VPS13D: variants seen among roughly 807,000 people sequenced by gnomAD.
VPS13D encodes vacuolar protein sorting 13 homolog D.
In VPS13D, 187 loss-of-function variants were observed where a neutral mutation model predicts 461.9. That is an observed-to-expected ratio of 0.40 (90% CI 0.36 to 0.46). VPS13D has a LOEUF of 0.46. Ranked by LOEUF, VPS13D falls within the 20% of genes least tolerant of loss-of-function variation. The pLI is 0.60. For missense variants in VPS13D, 4,711 were observed against 5,364.9 expected (o/e 0.88, Z 3.81); for synonymous variants, 1,951 against 1,986.3 (o/e 0.98, Z 0.47).
chr1:12,297,400 GT>G (rs1261268753), intron 24 of VPS13D, among the ~76,000 whole-genome samples: 3 of 152,108 alleles, frequency 2.0e-5, no homozygotes, highest in Non-Finnish European at 2.9e-5. Context: ...TCTTATATTT[GT>G]TACACTTCTT....
Position 12,488,562 on chromosome 1 carries a change from A to G in VPS13D, c.12663-8938A>G, listed in dbSNP as rs146332408. 2.2e-3 allele frequency among the ~76,000 whole-genome samples: 331 copies of G among 151,820 alleles called. 2 individuals carry two copies. The highest frequency in any genetic ancestry group is 7.6e-3 in the African/African-American group (315 of 41,440). ...ATATAAACATTGAAAGAAAAAGATT[A>G]TATAATCATTTGCCAGAAATAAATC... is the stretch of plus-strand genomic sequence containing the variant. On this transcript the variant is annotated intron_variant, in intron 67 of 69. Coordinates refer to ENST00000620676, the MANE Select transcript of VPS13D (RefSeq NM_015378.4).
Position 12,303,730 on chromosome 1 carries a change from G to A in VPS13D, c.6217-776G>A, listed in dbSNP as rs532424485. 7.2e-5 allele frequency among the ~76,000 whole-genome samples: 11 copies of A among 152,298 alleles called. No homozygotes were observed. In the South Asian group the frequency reaches 1.2e-3, roughly 17 times the overall value. On this transcript the variant is annotated intron_variant, in intron 25 of 69. Transcript: ENST00000620676. ...TCTCTTCCCAGATTCGGTTGAGAAT[G>A]GCAAGATGGGAACCATGATGCTACG...
intron 55 of VPS13D, 79 bp downstream of exon 55, chr1:12,373,937 C>G (rs1644161079): frequency 8.8e-7 from 1 of 1,135,170 alleles, no homozygotes; most frequent in Admixed American, 2.4e-5. Flanking sequence ...AGTGCAGAGT[C>G]CTTATTTCAT....
rs771737994 is a variant in VPS13D at position 12,319,483 on chromosome 1, G to A, written c.7415-14G>A. The A allele has an allele frequency of 2.2e-5, 36 of 1,613,784 alleles. No individual in the cohort carries two copies. The highest frequency in any genetic ancestry group is 1.6e-4 in the Middle Eastern group (1 of 6,068). On this transcript the variant is annotated splice_polypyrimidine_tract_variant and intron_variant, in intron 31 of 69. Coordinates refer to ENST00000620676, the MANE Select transcript of VPS13D (RefSeq NM_015378.4). Reference sequence around the variant, plus strand: ...TCCCAGCTCTGGCTTGATTGACGACGTTGTCCTTTCCAGGTACGGAGTTTG... The same window carrying A: ...TCCCAGCTCTGGCTTGATTGACGACATTGTCCTTTCCAGGTACGGAGTTTG...
intron 17 of VPS13D, 64 bp from the exon 18 acceptor site, chr1:12,272,939 G>A: frequency 1.3e-6 from 2 of 1,577,278 alleles, no homozygotes; most frequent in South Asian, 2.4e-5. Flanking sequence ...AGAAATGCTT[G>A]AGCACCATGG....
chr1:12,232,095 G>A (rs964184993), intron 1 of VPS13D, among the ~76,000 whole-genome samples: 3 of 152,024 alleles, frequency 2.0e-5, no homozygotes, highest in African/African-American at 7.3e-5. Context: ...AACAAATGTA[G>A]CTAATAATTA....
chr1:12,238,796 T>G (rs1313988674), intron 2 of VPS13D, among the ~76,000 whole-genome samples: 1 of 151,962 alleles, frequency 6.6e-6, no homozygotes, highest in East Asian at 1.9e-4. Flanking sequence ...CTACCATACC[T>G]GGGTGATTTT....
intron 50 of VPS13D, among the ~76,000 whole-genome samples, chr1:12,361,397 TTATTTA>T (rs1643945842): frequency 6.9e-6 from 1 of 144,586 alleles, no homozygotes; most frequent in Non-Finnish European, 1.5e-5. Flanking sequence ...ATTTATTTAT[TTATTTA>T]TTTTTTTTTT....
intron 30 of VPS13D, among the ~76,000 whole-genome samples, 191 bp downstream of exon 30, chr1:12,314,518 A>G (rs1021211179): frequency 1.3e-5 from 2 of 152,234 alleles, no homozygotes; most frequent in East Asian, 3.8e-4. Flanking sequence ...TTATTGGCCA[A>G]AAGATGTCTC....
intron 67 of VPS13D, among the ~76,000 whole-genome samples, chr1:12,483,988 C>T (rs555703509): frequency 1.0e-4 from 15 of 148,846 alleles, no homozygotes; most frequent in Non-Finnish European, 1.3e-4. Context: ...CAGAGTGGGA[C>T]TCCCTCTCAA....
chr1:12,282,151 G>A (rs1641804969), intron 20 of VPS13D, among the ~76,000 whole-genome samples: 1 of 152,184 alleles, frequency 6.6e-6, no homozygotes, highest in Admixed American at 6.5e-5. Flanking sequence ...GCCTCTCAAA[G>A]GGCTGGGATT....
chr1:12,238,219 C>T (rs1640225313), intron 2 of VPS13D, among the ~76,000 whole-genome samples: 1 of 119,242 alleles, frequency 8.4e-6, no homozygotes, highest in East Asian at 2.5e-4. Flanking sequence ...AAAATAATCC[C>T]CAAAAAATCC....
chr1:12,262,121 C>T (rs777326112), intron 13 of VPS13D, 41 bp downstream of exon 13: 42 of 1,574,606 alleles, frequency 2.7e-5, no homozygotes, highest in Non-Finnish European at 4.3e-6. Context: ...TGTTGTCTCT[C>T]TGTGGGCCAA....
intron 68 of VPS13D, among the ~76,000 whole-genome samples, chr1:12,498,149 C>T (rs992616414): frequency 2.6e-5 from 4 of 152,144 alleles, no homozygotes; most frequent in African/African-American, 7.2e-5. Flanking sequence ...CTAGTTGACA[C>T]GGTAGAGTTA....
Position 12,293,653 on chromosome 1 carries a change from T to C in VPS13D, c.5982T>C (p.Thr1994=). The C allele has an allele frequency of 3.1e-6, 5 of 1,614,122 alleles. No homozygotes were observed. The highest frequency in any genetic ancestry group is 4.2e-6 in the Non-Finnish European group (5 of 1,179,992). The stretch of plus-strand genomic sequence containing the variant: ...TGGTGGCCTTCATTCAGCATTTCAC[T>C]CAGCTGCAGGATGTCTTAGGGCGCC... The part of the protein sequence containing the change: ...AEVVAFIQHF[T]QLQDVLGRQR... The change falls in exon 24 of 70, where the codon ACT becomes ACC. Residue 1994 remains threonine, a synonymous_variant. Transcript: ENST00000620676.
At chr1:12,362,644 G>A (rs1036765616) in intron 50 of VPS13D, 76 bp from the exon 51 acceptor site, 2 of 1,393,570 alleles carry the variant, frequency 1.4e-6, no homozygotes, top group Non-Finnish European at 2.0e-6. Flanking sequence ...TAACTGTGAA[G>A]GTTATTTATT....
At chr1:12,285,048 C>A (rs540238185) in intron 21 of VPS13D, among the ~76,000 whole-genome samples, 1 of 152,076 alleles carries the variant, frequency 6.6e-6, no homozygotes, top group Non-Finnish European at 1.5e-5. Flanking sequence ...GAGGGCTTTG[C>A]CTTGATTGAT....
At chr1:12,410,410 T>G (rs994689512) in intron 63 of VPS13D, among the ~76,000 whole-genome samples, 9 of 152,174 alleles carry the variant, frequency 5.9e-5, no homozygotes, top group South Asian at 2.1e-4. Context: ...CTGGTTGATT[T>G]AGGCATTATG....
chr1:12,349,099 G>A (rs1643740392), intron 45 of VPS13D, 65 bp from the exon 46 acceptor site: 2 of 1,611,288 alleles, frequency 1.2e-6, no homozygotes, highest in African/African-American at 1.3e-5. Flanking sequence ...CTTTTGTCCT[G>A]AGATGGTCAA....
Sources: allele counts gnomAD v4.1 joint callset (sites outside exome capture counted in the v4.1 genomes callset), GRCh38; gene constraint gnomAD v4.1.1; transcripts MANE v1.5; gene names NCBI Gene and HGNC (gene_info 2026-07-23, HGNC 2026-07-21).